The following TMEM71 variants were observed in gnomAD, a reference collection of about 807,000 sequenced individuals.
The protein encoded by TMEM71 is transmembrane protein 71.
In TMEM71, 44 loss-of-function variants were observed where a neutral mutation model predicts 38.0. The observed-to-expected ratio is 1.16, with a 90% CI of 0.91 to 1.49. The LOEUF (loss-of-function observed/expected upper bound fraction) is 1.49, where lower values mean the gene tolerates loss of function less well. Ranked by LOEUF, TMEM71 falls within the 40% of genes most tolerant of loss-of-function variation. The probability of loss-of-function intolerance (pLI) is 0.00; values close to 1 mark genes in which losing one functional copy is unlikely to be tolerated. For missense variants in TMEM71, 367 were observed against 348.6 expected (o/e 1.05, Z -0.42); for synonymous variants, 133 against 122.5 (o/e 1.09, Z -0.56).
At chr8:132,719,282 T>C (rs1276054822) in intron 7 of TMEM71, among the ~76,000 whole-genome samples, 3 of 152,204 alleles carry the variant, frequency 2.0e-5, no homozygotes, top group Non-Finnish European at 4.4e-5. Flanking sequence ...CATCTCTAAA[T>C]AAAAAATTCA....
At chr8:132,746,315 T>C (rs1194371756) in intron 5 of TMEM71, among the ~76,000 whole-genome samples, 1 of 148,836 alleles carries the variant, frequency 6.7e-6, no homozygotes, top group South Asian at 2.1e-4. Context: ...TGAATATATA[T>C]TATATTTCAA....
At chr8:132,766,731 C>T in the TMEM71 span, among the ~76,000 whole-genome samples, 1 of 148,728 alleles carries the variant, frequency 6.7e-6, no homozygotes, top group Non-Finnish European at 1.5e-5. Context: ...GCGGAGGTGG[C>T]AGTGAGCCAA....
At chr8:132,720,489 G>A (rs1290712241) in intron 7 of TMEM71, among the ~76,000 whole-genome samples, 5 of 152,064 alleles carry the variant, frequency 3.3e-5, no homozygotes, top group African/African-American at 1.2e-4. Flanking sequence ...TTCCAGTTTG[G>A]GATATAGAAT....
upstream of TMEM71, among the ~76,000 whole-genome samples, chr8:132,762,908 T>C (rs1392294885): frequency 1.3e-5 from 2 of 152,258 alleles, no homozygotes; most frequent in Non-Finnish European, 2.9e-5. Context: ...GTTATCCACA[T>C]GCAGGACAGA....
downstream of TMEM71, among the ~76,000 whole-genome samples, chr8:132,708,118 T>C (rs1044907703): frequency 6.6e-6 from 1 of 152,216 alleles, no homozygotes; most frequent in Non-Finnish European, 1.5e-5. Flanking sequence ...GAATCTTTTG[T>C]GTACAGCAGA....
At chr8:132,761,070 CA>C (rs1380828534), upstream of TMEM71, among the ~76,000 whole-genome samples, 1 of 152,160 alleles carries the variant, frequency 6.6e-6, no homozygotes, top group African/African-American at 2.4e-5. Context: ...TTGGACTTCA[CA>C]AAAAACTCTA....
At chr8:132,733,345 C>T (rs1375040195) in intron 5 of TMEM71, among the ~76,000 whole-genome samples, 1 of 152,114 alleles carries the variant, frequency 6.6e-6, no homozygotes, top group Admixed American at 6.5e-5. Context: ...TTGTTATTTG[C>T]AAAATCTAAC....
chr8:132,773,906 T>A, the TMEM71 span, among the ~76,000 whole-genome samples: 2 of 152,188 alleles, frequency 1.3e-5, no homozygotes, highest in African/African-American at 4.8e-5. Context: ...ATCTCCATAG[T>A]TAAAATAATA....
At chr8:132,766,840 C>A in the TMEM71 span, among the ~76,000 whole-genome samples, 10 of 148,112 alleles carry the variant, frequency 6.8e-5, no homozygotes, top group East Asian at 2.0e-3. Context: ...TTCCAGAGAA[C>A]ACGCCAAAAT....
chr8:132,751,390 T>C (rs2131178334), intron 4 of TMEM71, among the ~76,000 whole-genome samples: 1 of 152,360 alleles, frequency 6.6e-6, no homozygotes, highest in Admixed American at 6.5e-5. Context: ...CCACCACTAG[T>C]GAGTTTATTT....
chr8:132,761,374 GA>G (rs1829292308), upstream of TMEM71, among the ~76,000 whole-genome samples: 1 of 152,200 alleles, frequency 6.6e-6, no homozygotes, highest in Admixed American at 6.5e-5. Context: ...ATGATGGCTT[GA>G]AGAATTAAAT....
At chr8:132,740,196 C>G (rs1280186976) in intron 5 of TMEM71, among the ~76,000 whole-genome samples, 1 of 152,108 alleles carries the variant, frequency 6.6e-6, no homozygotes, top group Non-Finnish European at 1.5e-5. Context: ...CCTACTATCC[C>G]CCCTCACTCA....
At chr8:132,738,648 C>T (rs1329576996) in intron 5 of TMEM71, among the ~76,000 whole-genome samples, 4 of 152,138 alleles carry the variant, frequency 2.6e-5, no homozygotes, top group African/African-American at 9.7e-5. Context: ...CTCAATATGG[C>T]ATAAAAGGTT....
At chr8:132,715,409 CAAAAAAA>C (rs975995287) in intron 7 of TMEM71, among the ~76,000 whole-genome samples, 454 of 21,554 alleles carry the variant, frequency 0.021, 3 homozygotes, top group African/African-American at 0.05. Flanking sequence ...GACTCCGTCT[CAAAAAAA>C]AAAAAAAAAA....
chr8:132,746,407 A>G (rs1462424572), intron 5 of TMEM71, among the ~76,000 whole-genome samples: 1 of 19,678 alleles, frequency 5.1e-5, no homozygotes, highest in Non-Finnish European at 1.5e-4. Flanking sequence ...ATACATATAT[A>G]TATACACACA....
At chr8:132,765,857 C>T in the TMEM71 span, among the ~76,000 whole-genome samples, 5 of 151,958 alleles carry the variant, frequency 3.3e-5, no homozygotes, top group Non-Finnish European at 5.9e-5. Context: ...GGCACGATCT[C>T]GGCTCACTAC....
chr8:132,766,674 C>A, the TMEM71 span, among the ~76,000 whole-genome samples: 1 of 151,616 alleles, frequency 6.6e-6, no homozygotes, highest in African/African-American at 2.4e-5. Flanking sequence ...GCCTGTGGTC[C>A]CAACTACTCA....
intron 1 of TMEM71, among the ~76,000 whole-genome samples, chr8:132,759,986 A>G (rs1460599276): frequency 6.6e-6 from 1 of 152,176 alleles, no homozygotes; most frequent in Non-Finnish European, 1.5e-5. Context: ...TTAGTATGTT[A>G]CTTGTTCTTT....
At chr8:132,724,860 GT>G (rs2131048187) in intron 6 of TMEM71, among the ~76,000 whole-genome samples, 1 of 152,116 alleles carries the variant, frequency 6.6e-6, no homozygotes, top group South Asian at 2.1e-4. Context: ...TATCAACAAA[GT>G]TTTGTTCATG....
Sources: gnomAD v4.1 joint callset for allele counts (sites outside exome capture counted in the v4.1 genomes callset) on GRCh38, gnomAD v4.1.1 for gene constraint, MANE v1.5 for transcripts, NCBI Gene and HGNC (gene_info 2026-07-23, HGNC 2026-07-21) for gene names.